AUTS2: variants seen among roughly 807,000 people sequenced by gnomAD.
The protein encoded by AUTS2 is activator of transcription and developmental regulator AUTS2.
Under a neutral mutation model 112.4 loss-of-function variants are expected in AUTS2, and 17 were observed. The ratio of observed to expected loss-of-function variants is 0.15; its 90% confidence interval spans 0.10 to 0.23. The LOEUF is 0.23. Among genes scored for constraint, AUTS2 ranks in the 10% least tolerant of loss-of-function variants. The pLI, the probability that AUTS2 is intolerant of heterozygous loss-of-function variation, is 1.00. For synonymous variants in AUTS2, 751 were observed against 702.7 expected (o/e 1.07, Z -1.09); for missense variants, 1,510 against 1,701.6 (o/e 0.89, Z 1.98).
intron 2 of AUTS2, among the ~76,000 whole-genome samples, chr7:69,977,299 T>C (rs1798101144): frequency 6.6e-6 from 1 of 152,222 alleles, no homozygotes. Context: ...CATTGGTCTG[T>C]TTATCTGTCT....
In AUTS2 at chr7:70,790,261, C is replaced by T. The variant is rs1287023573; in HGVS notation, c.3045C>T (p.His1015=). Residue 1015 remains histidine, a synonymous_variant, in exon 19 of 19, where the codon CAC becomes CAT. Transcript: ENST00000342771. The surrounding 1 kb of genome is among the most constrained non-coding windows in gnomAD (Gnocchi z 7.6). ...PPPPNSSSSV[H]PGPLASMPMT... ...CTCCCAACTCCTCGTCCAGCGTGCA[C>T]CCGGGGCCCCTGGCCTCGATGCCCA... 1 of 1,613,100 alleles carries T rather than the reference C, an allele frequency of 6.2e-7. No homozygotes were observed. The highest frequency in any genetic ancestry group is 8.5e-7 in the Non-Finnish European group (1 of 1,179,880).
chr7:70,528,424 T>G (rs1449031991), intron 5 of AUTS2, among the ~76,000 whole-genome samples: 2 of 152,146 alleles, frequency 1.3e-5, no homozygotes, highest in Non-Finnish European at 2.9e-5. Context: ...GGTAAGAGCA[T>G]GAAGTATGTA....
chr7:69,877,803 A>AT (rs1198788848), intron 1 of AUTS2, among the ~76,000 whole-genome samples: 1 of 152,184 alleles, frequency 6.6e-6, no homozygotes, highest in Non-Finnish European at 1.5e-5. Flanking sequence ...GGAACATCCT[A>AT]CAGACCACTG....
intron 1 of AUTS2, among the ~76,000 whole-genome samples, chr7:69,747,780 GA>G (rs1787559064): frequency 1.1e-5 from 1 of 92,312 alleles, no homozygotes; most frequent in Admixed American, 1.1e-4. Flanking sequence ...GAGAGAAGGA[GA>G]GGGGTGTGTG....
chr7:69,843,584 T>C lies in AUTS2; in HGVS notation c.310-55702T>C, dbSNP rs570704789. Among the ~76,000 whole-genome samples the C allele has an allele frequency of 1.1e-4, 16 of 152,290 alleles. No homozygotes were observed. In the East Asian group the frequency reaches 3.1e-3, roughly 29 times the overall value. On this transcript the variant is annotated intron_variant, in intron 1 of 18. Coordinates refer to ENST00000342771, the MANE Select transcript of AUTS2 (RefSeq NM_015570.4). ...AAATGTTAAGTGGCGAATAAAGGAA[T>C]GCATGGGGATGATACAGACAAAGCA...
intron 5 of AUTS2, among the ~76,000 whole-genome samples, chr7:70,480,337 A>G (rs1183496884): frequency 1.3e-5 from 2 of 152,194 alleles, no homozygotes; most frequent in East Asian, 3.8e-4. Flanking sequence ...GGACATATAG[A>G]ATGTTGAGGT....
At chr7:69,619,288 G>A (rs1172237652) in intron 1 of AUTS2, among the ~76,000 whole-genome samples, 1 of 152,164 alleles carries the variant, frequency 6.6e-6, no homozygotes, top group Non-Finnish European at 1.5e-5. Flanking sequence ...TTAGAGAGTA[G>A]GAGTGAGGCA....
chr7:70,482,916 T>G (rs1797845471), intron 5 of AUTS2, among the ~76,000 whole-genome samples: 1 of 152,216 alleles, frequency 6.6e-6, no homozygotes, highest in African/African-American at 2.4e-5. Flanking sequence ...TATTTTTATC[T>G]ACTCAAAGGA....
chr7:70,491,624 T>TGC (rs1491248863), intron 5 of AUTS2, among the ~76,000 whole-genome samples: 3 of 148,258 alleles, frequency 2.0e-5, no homozygotes, highest in African/African-American at 7.5e-5. Context: ...TGTGTGTGTG[T>TGC]ATTTTTTTGA....
In AUTS2 at chr7:70,791,267, GA is replaced by G. The variant is rs1237446100; in HGVS notation, c.*273del. The G allele has an allele frequency of 5.2e-6, 1 of 191,270 alleles. No individual in the cohort carries two copies. The highest frequency in any genetic ancestry group is 9.9e-6 in the Non-Finnish European group (1 of 100,778). The allele number at this position is 191,270 out of a possible 1,614,324, so 11.8% of individuals were successfully genotyped here. On this transcript the variant is annotated 3_prime_UTR_variant, in exon 19 of 19. Coordinates refer to ENST00000342771, the MANE Select transcript of AUTS2 (RefSeq NM_015570.4). ...ACTTTTTGATTTGAACCAAAACAGT[GA>G]AGATGACAACACACACCAATTGGAT...
intron 5 of AUTS2, among the ~76,000 whole-genome samples, chr7:70,533,463 G>A (rs1380997661): frequency 4.0e-5 from 6 of 148,662 alleles, no homozygotes; most frequent in African/African-American, 1.5e-4. Flanking sequence ...TCTGCCTCAA[G>A]TTGTAGCTGC....
chr7:70,226,321 G>C (rs1811761283), intron 4 of AUTS2, among the ~76,000 whole-genome samples: 1 of 149,892 alleles, frequency 6.7e-6, no homozygotes, highest in South Asian at 2.1e-4. Flanking sequence ...AGCCTCCCAA[G>C]TAGCTGGGAC....
chr7:69,735,730 G>GC (rs1787000205), intron 1 of AUTS2, among the ~76,000 whole-genome samples: 1 of 152,164 alleles, frequency 6.6e-6, no homozygotes, highest in Non-Finnish European at 1.5e-5. Flanking sequence ...TGGCCGCACA[G>GC]CCCCCTGACA....
chr7:70,506,559 G>A (rs1438160654), intron 5 of AUTS2, among the ~76,000 whole-genome samples: 1 of 152,176 alleles, frequency 6.6e-6, no homozygotes, highest in East Asian at 1.9e-4. Flanking sequence ...AGACTGAGAG[G>A]AAGGGAGGGA....
intron 2 of AUTS2, among the ~76,000 whole-genome samples, chr7:70,089,281 G>A (rs1283417192): frequency 6.6e-6 from 1 of 151,926 alleles, no homozygotes; most frequent in Admixed American, 6.6e-5. Flanking sequence ...TCTCCTTTGA[G>A]TTCTATCAGT....
intron 1 of AUTS2, among the ~76,000 whole-genome samples, chr7:69,784,038 T>C (rs973924826): frequency 5.3e-5 from 8 of 152,150 alleles, no homozygotes; most frequent in African/African-American, 1.9e-4. Flanking sequence ...TCAACTGCTA[T>C]CCCCAGATAC....
chr7:69,633,282 G>A (rs552432594), intron 1 of AUTS2, among the ~76,000 whole-genome samples: 28 of 151,594 alleles, frequency 1.8e-4, no homozygotes, highest in Admixed American at 9.9e-4. Context: ...TTTTTTTAAG[G>A]GCTCAATAAT....
chr7:70,620,105 G>A (rs367561465), intron 5 of AUTS2, among the ~76,000 whole-genome samples: 51 of 152,110 alleles, frequency 3.4e-4, no homozygotes, highest in African/African-American at 1.2e-3. Flanking sequence ...GAGTGCTGCG[G>A]GCAGAAGTCA....
intron 5 of AUTS2, among the ~76,000 whole-genome samples, chr7:70,548,689 T>C (rs1315171503): frequency 6.6e-6 from 1 of 152,206 alleles, no homozygotes; most frequent in African/African-American, 2.4e-5. Flanking sequence ...TTGCCACTTT[T>C]GTCAAAAATC....
Sources: gnomAD v4.1 joint callset for allele counts (sites outside exome capture counted in the v4.1 genomes callset) on GRCh38, gnomAD v4.1.1 for gene constraint, Gnocchi (gnomAD v3.1) non-coding constraint, MANE v1.5 for transcripts, NCBI Gene and HGNC (gene_info 2026-07-23, HGNC 2026-07-21) for gene names.